ASH2L: variants seen among roughly 807,000 people sequenced by gnomAD.
The protein encoded by ASH2L is set1/Ash2 histone methyltransferase complex subunit ASH2.
ASH2L carries 30 observed loss-of-function variants against 81.1 expected under a neutral mutation model. The observed-to-expected ratio is 0.37, with a 90% CI of 0.28 to 0.50. The LOEUF (loss-of-function observed/expected upper bound fraction) is 0.50, where lower values mean the gene tolerates loss of function less well. Among genes scored for constraint, ASH2L ranks in the 20% least tolerant of loss-of-function variants. The probability of loss-of-function intolerance (pLI) is 0.95; values close to 1 mark genes in which losing one functional copy is unlikely to be tolerated. For synonymous variants in ASH2L, 273 were observed against 279.9 expected, an observed-to-expected ratio of 0.98 and a Z score of 0.24; for missense variants, 559 against 792.1, an observed-to-expected ratio of 0.71 and a Z score of 3.53.
chr8:38,127,940 G>C (rs1028646925), intron 10 of ASH2L, among the ~76,000 whole-genome samples: 1 of 149,772 alleles, frequency 6.7e-6, no homozygotes, highest in African/African-American at 2.5e-5. Flanking sequence ...CAGCTACTCG[G>C]GAGGCTGAGG....
At chr8:38,129,085 T>C in intron 12 of ASH2L, 134 bp downstream of exon 12, 1 of 1,317,048 alleles carries the variant, frequency 7.6e-7, no homozygotes, top group Admixed American at 2.6e-5. Flanking sequence ...TATGACATTT[T>C]CAGAATAACA....
intron 12 of ASH2L, among the ~76,000 whole-genome samples, chr8:38,131,561 G>A (rs1390945981): frequency 2.6e-5 from 4 of 152,130 alleles, no homozygotes; most frequent in African/African-American, 4.8e-5. Context: ...CATGAGAATC[G>A]CTTGAGCCTG....
At position 38,105,619 on chromosome 8, in the gene ASH2L, T is replaced by G; in HGVS notation, c.69T>G (p.Asn23Lys). The change falls in exon 1 of 16, where the codon AAT becomes AAG. Residue 23 changes from asparagine (N) to lysine (K), a missense_variant. Physicochemically the swap from Asn to Lys is moderately conservative, Grantham distance 94. Coordinates refer to ENST00000343823, the MANE Select transcript of ASH2L (RefSeq NM_004674.5). Reference sequence around the variant, plus strand: ...GGCCTGGCCCAGGAGCGGTCGCAAATGCAACAGGGGCAGAAGAGGGGGAGA... The same window carrying G: ...GGCCTGGCCCAGGAGCGGTCGCAAAGGCAACAGGGGCAGAAGAGGGGGAGA... The part of the protein sequence containing the change: ...GAGPGPGAVA[N>K]ATGAEEGEMK... 6.2e-7 allele frequency: 1 copy of G among 1,605,450 alleles called. No individual in the cohort carries two copies. The highest frequency in any genetic ancestry group is 8.5e-7 in the Non-Finnish European group (1 of 1,176,858).
At chr8:38,123,790 T>G (rs1176071764) in intron 10 of ASH2L, among the ~76,000 whole-genome samples, 1 of 152,232 alleles carries the variant, frequency 6.6e-6, no homozygotes, top group Non-Finnish European at 1.5e-5. Context: ...CTGTATTTCT[T>G]CACAAATGAG....
At chr8:38,121,319 T>A (rs1811133396) in intron 10 of ASH2L, among the ~76,000 whole-genome samples, 170 bp downstream of exon 10, 1 of 131,886 alleles carries the variant, frequency 7.6e-6, no homozygotes, top group Non-Finnish European at 1.6e-5. Context: ...TCCTATAAGC[T>A]CCAGCCGTTT....
chr8:38,130,875 C>T lies in ASH2L; in HGVS notation c.1527+1924C>T, dbSNP rs373128042. On this transcript the variant is annotated intron_variant, in intron 12 of 15. Transcript: ENST00000343823. The stretch of plus-strand genomic sequence containing the variant: ...GATTACAGGCATGAGCCACTGTGCC[C>T]GACCAGATTTTTATGTATAGTATGG... 2.7e-3 allele frequency among the ~76,000 whole-genome samples: 408 copies of T among 152,274 alleles called. 1 individual carries two copies. Among genetic ancestry groups the T allele is most frequent in the African/African-American group, 8.8e-3 (367 of 41,554 alleles).
intron 8 of ASH2L, among the ~76,000 whole-genome samples, chr8:38,117,040 T>TCTC (rs1248795659): frequency 6.6e-6 from 1 of 152,224 alleles, no homozygotes; most frequent in Non-Finnish European, 1.5e-5. Flanking sequence ...ATTCATCTCC[T>TCTC]CTCCACTCTT....
intron 12 of ASH2L, among the ~76,000 whole-genome samples, chr8:38,131,959 C>T (rs1039402787): frequency 6.6e-6 from 1 of 152,072 alleles, no homozygotes; most frequent in Non-Finnish European, 1.5e-5. Context: ...AGCAATTCTC[C>T]TGCTTCAGCC....
At position 38,115,416 on chromosome 8, in the gene ASH2L, G is replaced by A. The variant is rs759864557; in HGVS notation, c.777+416G>A. 3.9e-5 allele frequency among the ~76,000 whole-genome samples: 6 copies of A among 152,292 alleles called. 1 individual carries two copies. In the South Asian group the frequency reaches 1.2e-3, roughly 32 times the overall value. On this transcript the variant is annotated intron_variant, in intron 7 of 15. Coordinates refer to ENST00000343823, the MANE Select transcript of ASH2L (RefSeq NM_004674.5). ...ACATAACAGGCAAACGAAAATTGCT[G>A]TTTTTTGTTCAACAGCAGGGTTCAC... is the stretch of plus-strand genomic sequence containing the variant.
rs773272582 is a variant in ASH2L at position 38,138,769 on chromosome 8, T to G, written c.1720-47T>G. ...CTGTGTCAAATTAACTTTTCCAATA[T>G]TTTTTGTCCATTTTTTCCATGTCTG... is the stretch of plus-strand genomic sequence containing the variant. On this transcript the variant is annotated intron_variant, in intron 14 of 15. Coordinates refer to ENST00000343823, the MANE Select transcript of ASH2L (RefSeq NM_004674.5). 2.5e-6 allele frequency: 4 copies of G among 1,571,200 alleles called. No homozygotes were observed. In the East Asian group the frequency reaches 6.7e-5, roughly 26 times the overall value.
chr8:38,108,895 C>T (rs1563249859), intron 3 of ASH2L, among the ~76,000 whole-genome samples: 1 of 152,102 alleles, frequency 6.6e-6, no homozygotes, highest in African/African-American at 2.4e-5. Context: ...GCCTAGGCAA[C>T]ATAGTGAGAC....
At chr8:38,118,580 A>C (rs1466165844) in intron 8 of ASH2L, among the ~76,000 whole-genome samples, 2 of 152,244 alleles carry the variant, frequency 1.3e-5, no homozygotes, top group African/African-American at 4.8e-5. Flanking sequence ...ATCTTAATAA[A>C]TGTTGTATTT....
At position 38,106,947 on chromosome 8, in the gene ASH2L, G is replaced by A. The variant is rs745956030; in HGVS notation, c.256-74G>A. The A allele has an allele frequency of 9.8e-5, 153 of 1,559,196 alleles. 1 individual carries two copies. The highest frequency in any genetic ancestry group is 7.4e-4 in the South Asian group (64 of 86,176). Reference sequence around the variant, plus strand: ...GCCTGGGCAACATAGGGAGACCCCCGTCTCTTAAAAAAATAAAATAAAGTA... The same window carrying A: ...GCCTGGGCAACATAGGGAGACCCCCATCTCTTAAAAAAATAAAATAAAGTA... On this transcript the variant is annotated intron_variant, in intron 2 of 15. Transcript: ENST00000343823.
At chr8:38,119,386 C>T in intron 9 of ASH2L, 23 bp downstream of exon 9, 1 of 1,485,166 alleles carries the variant, frequency 6.7e-7, no homozygotes, top group South Asian at 1.3e-5. Flanking sequence ...CCCACCCTGC[C>T]CCCCTCACTA....
intron 8 of ASH2L, 197 bp from the exon 9 acceptor site, chr8:38,119,073 G>A (rs1310660862): frequency 5.9e-6 from 3 of 508,088 alleles, no homozygotes; most frequent in Non-Finnish European, 1.0e-5. Context: ...TTTATTGCCA[G>A]AACCCAGTGT....
intron 12 of ASH2L, among the ~76,000 whole-genome samples, chr8:38,130,507 G>A (rs1425226199): frequency 6.6e-6 from 1 of 151,472 alleles, no homozygotes; most frequent in East Asian, 1.9e-4. Context: ...AAAATCTTTG[G>A]CTACTCCCTG....
At chr8:38,129,465 T>A (rs1801972941) in intron 12 of ASH2L, among the ~76,000 whole-genome samples, 1 of 152,048 alleles carries the variant, frequency 6.6e-6, no homozygotes, top group Non-Finnish European at 1.5e-5. Context: ...ACCCCATCTG[T>A]ACAAAAGACT....
chr8:38,123,419 A>G (rs1801711513), intron 10 of ASH2L: 1 of 152,182 alleles, frequency 6.6e-6, no homozygotes, highest in Admixed American at 6.5e-5. Context: ...AGAAACATTT[A>G]CTAAGTAGAT....
chr8:38,128,926 C>A lies in ASH2L; in HGVS notation c.1502C>A (p.Ser501Ter). The change falls in exon 12 of 16, where the codon TCA becomes TAA. Residue 501 changes from serine (S) to a stop codon, truncating the protein, a stop_gained. Coordinates refer to ENST00000343823, the MANE Select transcript of ASH2L (RefSeq NM_004674.5). LOFTEE classifies it high-confidence loss of function. ...NLPEDTETAKSLPDTYKDKAL... is the reference protein window; with the variant it reads ...NLPEDTETAK The stretch of plus-strand genomic sequence containing the variant: ...CCTGAAGACACAGAGACAGCCAAGT[C>A]ATTGCCAGACACATACAAAGATAAG... The A allele has an allele frequency of 6.2e-7, 1 of 1,613,294 alleles. No individual in the cohort carries two copies. The highest frequency in any genetic ancestry group is 1.1e-5 in the South Asian group (1 of 90,826).
Sources: gnomAD v4.1 joint callset for allele counts (sites outside exome capture counted in the v4.1 genomes callset) on GRCh38, gnomAD v4.1.1 for gene constraint, MANE v1.5 for transcripts, NCBI Gene and HGNC (gene_info 2026-07-23, HGNC 2026-07-21) for gene names.